TCF12: variants seen among roughly 807,000 people sequenced by gnomAD.
TCF12 encodes the protein transcription factor 12, also known as DNA-binding protein HTF4.
TCF12 carries 45 observed loss-of-function variants against 86.0 expected under a neutral mutation model. That is an observed-to-expected ratio of 0.52 (90% CI 0.41 to 0.67). TCF12 has a LOEUF of 0.67. TCF12 is among the 30% of genes least tolerant of loss of function. TCF12 has a pLI of 0.00. For synonymous variants in TCF12, 330 were observed against 299.6 expected, an observed-to-expected ratio of 1.10 and a Z score of -1.05; for missense variants, 881 against 859.9, an observed-to-expected ratio of 1.02 and a Z score of -0.31.
chr15:56,925,563 A>G (rs2059976090), intron 3 of TCF12, among the ~76,000 whole-genome samples: 1 of 152,234 alleles, frequency 6.6e-6, no homozygotes, highest in Non-Finnish European at 1.5e-5. Flanking sequence ...AAAGCCATAT[A>G]GTCTTTTCTG....
chr15:57,144,438 G>T (rs1567509926), intron 5 of TCF12, among the ~76,000 whole-genome samples: 1 of 152,206 alleles, frequency 6.6e-6, no homozygotes, highest in Non-Finnish European at 1.5e-5. Context: ...ACTGTTTAAT[G>T]TAAATGCTTT....
At chr15:56,961,273 A>C (rs1381100042) in intron 3 of TCF12, among the ~76,000 whole-genome samples, 3 of 152,220 alleles carry the variant, frequency 2.0e-5, no homozygotes, top group African/African-American at 7.2e-5. Flanking sequence ...GAAAACTTGT[A>C]TGCTGTGCTA....
chr15:57,166,406 A>C lies in TCF12; in HGVS notation c.330A>C (p.Lys110Asn). 2 of 1,611,684 alleles carry C rather than the reference A, an allele frequency of 1.2e-6. No individual in the cohort carries two copies. Among genetic ancestry groups the C allele is most frequent in the Non-Finnish European group, 1.7e-6 (2 of 1,179,116 alleles). The change falls in exon 6 of 21, where the codon AAA becomes AAC. Residue 110 changes from lysine to asparagine, a missense_variant. Lys to Asn is a moderately conservative substitution (Grantham distance 94). Around this residue, in one of 3 missense-constraint regions of TCF12, gnomAD observed 766 missense variants for 718.9 expected, o/e 1.07. Transcript: ENST00000333725. ...TPFMNSNLMG[K>N]TSERGSFSLY... is the part of the protein sequence containing the mutation. Reference sequence around the variant, plus strand: ...GTTAATTTCTTTGTTTTATAGGAAAAACATCAGAGAGAGGCTCATTTTCCC... The same window carrying C: ...GTTAATTTCTTTGTTTTATAGGAAACACATCAGAGAGAGGCTCATTTTCCC...
At chr15:57,276,817 T>G (rs1288107648) in intron 19 of TCF12, among the ~76,000 whole-genome samples, 1 of 149,798 alleles carries the variant, frequency 6.7e-6, no homozygotes, top group Non-Finnish European at 1.5e-5. Flanking sequence ...CCTTTTTTTT[T>G]TTTTTGAGGC....
chr15:57,143,158 C>CA (rs1491586492), intron 5 of TCF12, among the ~76,000 whole-genome samples: 1 of 125,302 alleles, frequency 8.0e-6, no homozygotes. Flanking sequence ...TGCCCCCCCC[C>CA]ACCAAAAAAA....
At chr15:56,922,953 CCTT>C (rs1372959239) in intron 3 of TCF12, among the ~76,000 whole-genome samples, 5 of 151,758 alleles carry the variant, frequency 3.3e-5, no homozygotes, top group Admixed American at 1.3e-4. Context: ...ATTTGAATAA[CCTT>C]CTGCCCTGAT....
intron 3 of TCF12, among the ~76,000 whole-genome samples, chr15:56,937,786 C>T (rs1294006611): frequency 1.3e-5 from 2 of 151,896 alleles, no homozygotes; most frequent in East Asian, 3.9e-4. Flanking sequence ...ATGCTTTTTC[C>T]CACATCTGCA....
intron 3 of TCF12, among the ~76,000 whole-genome samples, chr15:56,987,271 G>A (rs2063237173): frequency 6.6e-6 from 1 of 151,972 alleles, no homozygotes; most frequent in Non-Finnish European, 1.5e-5. Context: ...CCGCCACCAC[G>A]CCCGGCTAAT....
At chr15:56,952,971 G>C (rs1237573251) in intron 3 of TCF12, among the ~76,000 whole-genome samples, 1 of 152,068 alleles carries the variant, frequency 6.6e-6, no homozygotes, top group Non-Finnish European at 1.5e-5. Context: ...CTATGAGTAT[G>C]TTAGTTGTAG....
At chr15:57,009,837 A>C (rs967579184) in intron 3 of TCF12, among the ~76,000 whole-genome samples, 1 of 152,202 alleles carries the variant, frequency 6.6e-6, no homozygotes, top group Non-Finnish European at 1.5e-5. Context: ...AACATTTTTC[A>C]TAGAATTTTC....
rs116505138 is a variant in TCF12 at position 57,283,899 on chromosome 15, A to T, written c.*11+1301A>T. 4.7e-3 allele frequency among the ~76,000 whole-genome samples: 713 copies of T among 152,314 alleles called. 5 individuals are homozygous for T. Among genetic ancestry groups the T allele is most frequent in the African/African-American group, 0.017 (687 of 41,566 alleles). On this transcript the variant is annotated intron_variant, in intron 20 of 20. Transcript: ENST00000333725. ...ATAGGGTCAAACCAGACCACAAAGA[A>T]GATTTCATTTAGGGTAAAAGAAAAG...
intron 8 of TCF12, among the ~76,000 whole-genome samples, chr15:57,203,770 G>A (rs889845367): frequency 6.6e-6 from 1 of 152,222 alleles, no homozygotes; most frequent in Middle Eastern, 3.4e-3. Flanking sequence ...TTTTGTCAGG[G>A]CACGGTGGCT....
chr15:56,924,281 G>A (rs1395666326), intron 3 of TCF12, among the ~76,000 whole-genome samples: 2 of 152,056 alleles, frequency 1.3e-5, no homozygotes, highest in African/African-American at 2.4e-5. Flanking sequence ...TGCAAAAACT[G>A]TTCTGTCACC....
chr15:56,936,864 A>T (rs213157), intron 3 of TCF12, among the ~76,000 whole-genome samples: 143,519 of 152,262 alleles, frequency 0.94, 67,962 homozygotes, highest in Non-Finnish European at 0.99. Context: ...CCATGCTGTT[A>T]TGGTGACTAT....
intron 8 of TCF12, among the ~76,000 whole-genome samples, chr15:57,217,678 GTTA>G (rs2058387187): frequency 6.6e-6 from 1 of 151,800 alleles, no homozygotes. Flanking sequence ...AAAAGTAAGT[GTTA>G]TTTTTAATAA....
chr15:57,263,689 G>T (rs2060696800), intron 18 of TCF12, among the ~76,000 whole-genome samples: 1 of 152,090 alleles, frequency 6.6e-6, no homozygotes, highest in Non-Finnish European at 1.5e-5. Context: ...GCATTGCTAG[G>T]CAATTTCATC....
At chr15:56,944,522 A>G (rs1291099352) in intron 3 of TCF12, among the ~76,000 whole-genome samples, 4 of 152,232 alleles carry the variant, frequency 2.6e-5, no homozygotes, top group Non-Finnish European at 5.9e-5. Flanking sequence ...TTGTATATAC[A>G]TATTTTTTGC....
chr15:57,132,700 T>C (rs1436238838), intron 5 of TCF12, among the ~76,000 whole-genome samples: 3 of 152,200 alleles, frequency 2.0e-5, no homozygotes, highest in African/African-American at 7.2e-5. Flanking sequence ...TTTTTCCTGA[T>C]TTTTCTTTTT....
intron 3 of TCF12, among the ~76,000 whole-genome samples, chr15:56,948,207 G>C (rs746216851): frequency 7.9e-5 from 12 of 151,558 alleles, no homozygotes; most frequent in African/African-American, 1.7e-4. Context: ...CTGCAGCCTT[G>C]ACCTCCTGGG....
Sources: gnomAD v4.1 joint callset for allele counts (sites outside exome capture counted in the v4.1 genomes callset) on GRCh38, gnomAD v4.1.1 for gene constraint, gnomAD v4.1.1 regional missense constraint, MANE v1.5 for transcripts, NCBI Gene and HGNC (gene_info 2026-07-23, HGNC 2026-07-21) for gene names.